Variants in CSDC2 observed in about 807,000 individuals in gnomAD.
CSDC2 encodes the protein cold shock domain-containing protein C2.
In CSDC2, 8 loss-of-function variants were observed where a neutral mutation model predicts 15.8. The ratio of observed to expected loss-of-function variants is 0.51; its 90% CI spans 0.30 to 0.92. The LOEUF (loss-of-function observed/expected upper bound fraction) is 0.92. Ranked by LOEUF, CSDC2 falls within the 40% of genes least tolerant of loss-of-function variation. The pLI, the probability that CSDC2 is intolerant of heterozygous loss-of-function variation, is 0.07. For synonymous variants in CSDC2, 96 were observed against 92.3 expected, an observed-to-expected ratio of 1.04 and a Z score of -0.23; for missense variants, 195 against 213.3, an observed-to-expected ratio of 0.91 and a Z score of 0.53.
chr22:41,572,443 TCCATCCATCCATCCATCCACCCAC>T (rs2067152446), intron 2 of CSDC2, among the ~76,000 whole-genome samples: 1 of 131,858 alleles, frequency 7.6e-6, no homozygotes, highest in Non-Finnish European at 1.6e-5. Flanking sequence ...CACCTGTCCA[TCCATCCATCCATCCATCCACCCAC>T]CCATCCATCC....
chr22:41,571,750 T>C (rs1437326603), intron 1 of CSDC2, 93 bp from the exon 2 acceptor site: 9 of 392,454 alleles, frequency 2.3e-5, no homozygotes, highest in Non-Finnish European at 4.0e-5. Context: ...GCCGTGAGGA[T>C]AGCAGGTGGG....
In CSDC2 at chr22:41,573,710, C is replaced by G. The variant is rs373284212; in HGVS notation, c.232C>G (p.Arg78Gly). ...CAAGGGCGTCTGTAAGCAGTTCTCA[C>G]GCTCACAGGGCCATGGCTTCATCAC... is the stretch of plus-strand genomic sequence containing the variant. ...VFKGVCKQFS[R>G]SQGHGFITPE... The change falls in exon 3 of 4, where the codon CGC becomes GGC. Residue 78 changes from arginine (R) to glycine (G), a missense_variant. Coordinates refer to ENST00000306149, the MANE Select transcript of CSDC2 (RefSeq NM_014460.4). 1.2e-6 allele frequency: 2 copies of G among 1,613,894 alleles called. No homozygotes were observed. Among genetic ancestry groups the G allele is most frequent in the African/African-American group, 1.3e-5 (1 of 75,036 alleles).
Position 41,575,238 on chromosome 22 carries a change from C to A in CSDC2, c.*343C>A. On this transcript the variant is annotated 3_prime_UTR_variant, in exon 4 of 4. Coordinates refer to ENST00000306149, the MANE Select transcript of CSDC2 (RefSeq NM_014460.4). ...CCCACGGTGACTGAGCTGCGAGAGC[C>A]TGCGCTGGGCTCACTCCCTGGCCTC... is the stretch of plus-strand genomic sequence containing the variant. The A allele has an allele frequency of 2.9e-6, 1 of 347,254 alleles. No individual in the cohort carries two copies. Among genetic ancestry groups the A allele is most frequent in the Non-Finnish European group, 5.4e-6 (1 of 185,102 alleles). The allele number at this position is 347,254 out of a possible 1,614,324, so 21.5% of individuals were successfully genotyped here.
chr22:41,574,866 A>T lies in CSDC2; in HGVS notation c.433A>T (p.Thr145Ser). 1.2e-6 allele frequency: 2 copies of T among 1,607,086 alleles called. No homozygotes were observed. The highest frequency in any genetic ancestry group is 1.7e-6 in the Non-Finnish European group (2 of 1,177,094). Residue 145 changes from threonine to serine, a missense_variant, in exon 4 of 4, where the codon ACG becomes TCG. By Grantham distance (58) the Thr-to-Ser change is moderately conservative. Coordinates refer to ENST00000306149, the MANE Select transcript of CSDC2 (RefSeq NM_014460.4). ...TQLAPHTPHE[T>S]WSGQVVGS is the part of the protein sequence containing the mutation. ...GCTGGCCCCCCACACTCCCCACGAG[A>T]CGTGGTCTGGCCAGGTCGTGGGCTC... is the stretch of plus-strand genomic sequence containing the variant.
intron 1 of CSDC2, among the ~76,000 whole-genome samples, chr22:41,562,213 G>C (rs553380877): frequency 7.9e-5 from 12 of 152,222 alleles, no homozygotes; most frequent in African/African-American, 2.6e-4. Context: ...CCCTGGGAAA[G>C]GGGGTCTCCA....
chr22:41,561,567 G>A (rs907482598), intron 1 of CSDC2, among the ~76,000 whole-genome samples: 1 of 152,266 alleles, frequency 6.6e-6, no homozygotes, highest in Non-Finnish European at 1.5e-5. Context: ...TGAAAGCAGA[G>A]TGCAGCAGGG....
At chr22:41,572,939 A>G (rs1240168054) in intron 2 of CSDC2, among the ~76,000 whole-genome samples, 1 of 152,154 alleles carries the variant, frequency 6.6e-6, no homozygotes, top group Non-Finnish European at 1.5e-5. Context: ...GCAGTGGTGC[A>G]GTCATGGCTC....
intron 1 of CSDC2, among the ~76,000 whole-genome samples, chr22:41,565,552 C>T (rs1303046566): frequency 6.6e-6 from 1 of 151,924 alleles, no homozygotes; most frequent in East Asian, 1.9e-4. Flanking sequence ...CATGATGGTG[C>T]CACTGCACTC....
chr22:41,561,740 A>T (rs1227522925), intron 1 of CSDC2, among the ~76,000 whole-genome samples: 1 of 152,078 alleles, frequency 6.6e-6, no homozygotes. Flanking sequence ...CCGTGTGGTT[A>T]TTCTCTTCCC....
chr22:41,575,062 C>G lies in CSDC2; in HGVS notation c.*167C>G. 3 of 833,356 alleles carry G rather than the reference C, an allele frequency of 3.6e-6. No homozygotes were observed. The highest frequency in any genetic ancestry group is 5.5e-6 in the Non-Finnish European group (3 of 546,128). The allele number at this position is 833,356 out of a possible 1,614,324, so 51.6% of individuals were successfully genotyped here. A position where few individuals can be genotyped will look rare whatever the true frequency, so the allele number is the denominator to read the frequency against. ...TTGTGGCTATGAGCGTGTGCCTCCA[C>G]CCACCCCACGACCCGTGACTACTGT... On this transcript the variant is annotated 3_prime_UTR_variant, in exon 4 of 4. Transcript: ENST00000306149.
rs1291101187 is a variant in CSDC2, at chr22:41,574,888, G to A, written c.455G>A (p.Gly152Asp). 5.0e-6 allele frequency: 8 copies of A among 1,590,542 alleles called. No individual in the cohort carries two copies. Among genetic ancestry groups the A allele is most frequent in the Non-Finnish European group, 6.8e-6 (8 of 1,168,920 alleles). The change falls in exon 4 of 4, where the codon GGC becomes GAC. Residue 152 changes from glycine (G) to aspartate (D), a missense_variant. Transcript: ENST00000306149. ...GAGACGTGGTCTGGCCAGGTCGTGG[G>A]CTCCTAGGCTGAGTGGTTCACAGGC... ...PHETWSGQVV[G>D]S is the part of the protein sequence containing the mutation.
chr22:41,568,107 G>A (rs2067125572), intron 1 of CSDC2, among the ~76,000 whole-genome samples: 2 of 140,302 alleles, frequency 1.4e-5, no homozygotes, highest in Admixed American at 7.1e-5. Flanking sequence ...CCTTGGAGGA[G>A]AGAGTCTTTT....
intron 1 of CSDC2, among the ~76,000 whole-genome samples, chr22:41,567,965 C>A (rs962885628): frequency 1.3e-5 from 2 of 152,138 alleles, no homozygotes; most frequent in Non-Finnish European, 2.9e-5. Flanking sequence ...GTCTCTCCTT[C>A]CCCCACTCCC....
At chr22:41,565,536 G>A (rs2067109909) in intron 1 of CSDC2, among the ~76,000 whole-genome samples, 1 of 151,846 alleles carries the variant, frequency 6.6e-6, no homozygotes. Flanking sequence ...TGAGGCTGCA[G>A]TGAGCCATGA....
chr22:41,575,264 C>T lies in CSDC2; in HGVS notation c.*369C>T, dbSNP rs945773735. ...TGCGCTGGGCTCACTCCCTGGCCTC[C>T]GCCCCTGAGCTGTCCCGTGTCAGTC... is the stretch of plus-strand genomic sequence containing the variant. On this transcript the variant is annotated 3_prime_UTR_variant, in exon 4 of 4. Transcript: ENST00000306149. 7.3e-5 allele frequency: 21 copies of T among 286,022 alleles called. No individual in the cohort carries two copies. The highest frequency in any genetic ancestry group is 8.7e-5 in the African/African-American group (4 of 45,908). 17.7% of individuals were successfully genotyped at this position (286,022 alleles called of 1,614,324 possible).
chr22:41,566,935 A>G lies in CSDC2; in HGVS notation c.-123-4908A>G, dbSNP rs547932582. Reference sequence around the variant, plus strand: ...GAGCGATCCTCCGTCTCAAAAAAAAAAAAAAAAAGGGAGGGTCACAAAACT... The same window carrying G: ...GAGCGATCCTCCGTCTCAAAAAAAAGAAAAAAAAGGGAGGGTCACAAAACT... On this transcript the variant is annotated intron_variant, in intron 1 of 3. Transcript: ENST00000306149. Among the ~76,000 whole-genome samples the G allele has an allele frequency of 2.0e-5, 3 of 152,070 alleles. No homozygotes were observed. The East Asian group carries it at 5.8e-4, about 29-fold the overall frequency.
intron 2 of CSDC2, among the ~76,000 whole-genome samples, chr22:41,572,677 T>C (rs555645519): frequency 6.6e-6 from 1 of 152,212 alleles, no homozygotes; most frequent in South Asian, 2.1e-4. Flanking sequence ...GATGATGTCC[T>C]GGTTGGGTAT....
chr22:41,570,171 C>G (rs2067138126), intron 1 of CSDC2, among the ~76,000 whole-genome samples: 3 of 152,220 alleles, frequency 2.0e-5, no homozygotes, highest in African/African-American at 7.2e-5. Context: ...CCCTGCCAAC[C>G]TGGCATGAGC....
chr22:41,574,929 TG>T lies in CSDC2; in HGVS notation c.*38del. 2 of 1,554,908 alleles carry T rather than the reference TG, an allele frequency of 1.3e-6. No individual in the cohort carries two copies. Among genetic ancestry groups the T allele is most frequent in the Non-Finnish European group, 1.7e-6 (2 of 1,150,088 alleles). On this transcript the variant is annotated 3_prime_UTR_variant, in exon 4 of 4. Transcript: ENST00000306149. ...GTTCACAGGCCAGCTGGCCGGGGGT[TG>T]GGGAGCCACACAGGGTGAACGGGCA...
Sources: allele counts gnomAD v4.1 joint callset (sites outside exome capture counted in the v4.1 genomes callset), GRCh38; gene constraint gnomAD v4.1.1; transcripts MANE v1.5; gene names NCBI Gene and HGNC (gene_info 2026-07-23, HGNC 2026-07-21).